NAV3: variants seen among roughly 807,000 people sequenced by gnomAD.
NAV3 encodes neuron navigator 3, also known as pore membrane and/or filament interacting like protein 1.
In NAV3, 87 loss-of-function variants were observed where a neutral mutation model predicts 244.7. The ratio of observed to expected loss-of-function variants is 0.36; its 90% CI spans 0.30 to 0.42. NAV3 has a LOEUF of 0.42. Ranked by LOEUF, NAV3 falls within the 20% of genes least tolerant of loss-of-function variation. The probability of loss-of-function intolerance (pLI) is 1.00; values close to 1 mark genes in which losing one functional copy is unlikely to be tolerated. For synonymous variants in NAV3, 1,126 were observed against 1,042.2 expected, an observed-to-expected ratio of 1.08 and a Z score of -1.55; for missense variants, 2,663 against 2,893.3, an observed-to-expected ratio of 0.92 and a Z score of 1.83.
intron 2 of NAV3, among the ~76,000 whole-genome samples, chr12:77,584,787 ATATATGGCTT>A (rs1460339428): frequency 1.3e-5 from 2 of 152,214 alleles, no homozygotes; most frequent in African/African-American, 4.8e-5. Flanking sequence ...CTCTCAATCT[ATATATGGCTT>A]GTATAAAAAA....
intron 2 of NAV3, among the ~76,000 whole-genome samples, chr12:77,683,812 G>A (rs577192454): frequency 5.7e-4 from 87 of 152,016 alleles, no homozygotes; most frequent in Non-Finnish European, 1.1e-3. Context: ...TCCATTGTAT[G>A]CATATGTTAC....
chr12:77,692,801 A>G (rs1195779453), intron 2 of NAV3, among the ~76,000 whole-genome samples: 1 of 152,152 alleles, frequency 6.6e-6, no homozygotes. Context: ...AAAGCTTAAT[A>G]GTCCATTGAG....
At chr12:77,575,622 C>G (rs1160413964) in intron 2 of NAV3, among the ~76,000 whole-genome samples, 3 of 152,118 alleles carry the variant, frequency 2.0e-5, no homozygotes, top group African/African-American at 7.2e-5. Flanking sequence ...AAAACAAACC[C>G]AGAACAGTGA....
rs1034768987 is a variant in NAV3, at chr12:78,049,267, G to GA, written c.2024-716dup. Reference sequence around the variant, plus strand: ...GGCATTCCAGGTGCTACTGGGGTATGAAAAAAAAAACTCCTGCAGCTAGCT... The same window carrying GA: ...GGCATTCCAGGTGCTACTGGGGTATGAAAAAAAAAAACTCCTGCAGCTAGCT... On this transcript the variant is annotated intron_variant, in intron 9 of 39. Coordinates refer to ENST00000397909, the MANE Select transcript of NAV3 (RefSeq NM_001024383.2). Among the ~76,000 whole-genome samples the GA allele has an allele frequency of 4.2e-3, 620 of 149,100 alleles. 4 individuals carry two copies. The highest frequency in any genetic ancestry group is 0.017 in the Middle Eastern group (5 of 288).
intron 5 of NAV3, among the ~76,000 whole-genome samples, chr12:77,991,972 A>C (rs1403754343): frequency 6.6e-6 from 1 of 152,090 alleles, no homozygotes; most frequent in Non-Finnish European, 1.5e-5. Flanking sequence ...TGGAGGTTGC[A>C]GTGAGCCGAG....
At chr12:77,624,562 G>A (rs557411366) in intron 2 of NAV3, among the ~76,000 whole-genome samples, 95 of 151,986 alleles carry the variant, frequency 6.3e-4, no homozygotes, top group African/African-American at 2.1e-3. Context: ...GAATGATGAG[G>A]TTGGACTTGG....
chr12:77,941,046 T>G (rs747322811), intron 2 of NAV3, 35 bp from the exon 3 acceptor site: 1 of 1,420,526 alleles, frequency 7.0e-7, no homozygotes, highest in South Asian at 1.2e-5. Flanking sequence ...ATGTCGTTCT[T>G]TTTTTCTCTC....
At chr12:77,960,600 T>C (rs940641098) in intron 3 of NAV3, among the ~76,000 whole-genome samples, 2 of 148,600 alleles carry the variant, frequency 1.3e-5, no homozygotes, top group African/African-American at 2.4e-5. Flanking sequence ...ATAACATATA[T>C]GTAATGTATG....
At chr12:77,863,201 G>A (rs565778528) in intron 1 of NAV3, among the ~76,000 whole-genome samples, 223 of 151,948 alleles carry the variant, frequency 1.5e-3, no homozygotes, top group African/African-American at 5.2e-3. Flanking sequence ...AATGCAAAGT[G>A]TAAACAAACA....
intron 2 of NAV3, among the ~76,000 whole-genome samples, chr12:77,820,630 T>G (rs1183273805): frequency 1.3e-5 from 2 of 152,156 alleles, no homozygotes; most frequent in Admixed American, 6.6e-5. Context: ...GTTAATGGTC[T>G]CATTTTATGT....
chr12:78,080,395 T>A (rs1566104122), intron 12 of NAV3, among the ~76,000 whole-genome samples: 1 of 152,260 alleles, frequency 6.6e-6, no homozygotes, highest in Non-Finnish European at 1.5e-5. Flanking sequence ...TAAATTAACT[T>A]TTAAAAGTTT....
chr12:78,175,356 A>G lies in NAV3; in HGVS notation c.5032A>G (p.Ser1678Gly), dbSNP rs1379647612. 1.9e-6 allele frequency: 3 copies of G among 1,611,852 alleles called. No individual in the cohort carries two copies. The highest frequency in any genetic ancestry group is 1.7e-5 in the Admixed American group (1 of 59,898). ...CTCTGAAAGTGTTTCTAGTATCAAC[A>G]GTGCCACAAGCCATTCCAGTATTGG... ...HSSESVSSINSATSHSSIGSG... is the reference protein window; with the variant it reads ...HSSESVSSINGATSHSSIGSG... The change falls in exon 25 of 40, where the codon AGT becomes GGT. Residue 1678 changes from serine to glycine, a missense_variant. Around this residue, in one of 6 missense-constraint regions of NAV3, gnomAD observed 193 missense variants for 200.7 expected, o/e 0.96. Coordinates refer to ENST00000397909, the MANE Select transcript of NAV3 (RefSeq NM_001024383.2).
At chr12:78,097,167 T>C (rs940402176) in intron 12 of NAV3, among the ~76,000 whole-genome samples, 4 of 152,168 alleles carry the variant, frequency 2.6e-5, no homozygotes, top group African/African-American at 7.2e-5. Context: ...GGAGACTGCC[T>C]GGAAAATCCT....
rs562031683 is a variant in NAV3, at chr12:78,007,265, C to G, written c.1727C>G (p.Ala576Gly). ...CCTATAACCATGGAGAAAGCAAGTG[C>G]TTCTAGTTGTCCTGCCCCTTTGGAA... The part of the protein sequence containing the change: ...SKPITMEKAS[A>G]SSCPAPLEGR... The change falls in exon 8 of 40, where the codon GCT becomes GGT. Residue 576 changes from alanine (A) to glycine (G), a missense_variant. Physicochemically the swap from Ala to Gly is moderately conservative, Grantham distance 60. Coordinates refer to ENST00000397909, the MANE Select transcript of NAV3 (RefSeq NM_001024383.2). The G allele has an allele frequency of 6.2e-7, 1 of 1,614,218 alleles. No individual in the cohort carries two copies. The highest frequency in any genetic ancestry group is 1.1e-5 in the South Asian group (1 of 91,084).
chr12:77,930,727 G>A (rs1888702221), intron 1 of NAV3, among the ~76,000 whole-genome samples: 1 of 151,920 alleles, frequency 6.6e-6, no homozygotes, highest in African/African-American at 2.4e-5. Context: ...TCCTTACAAG[G>A]GATGTATGAA....
intron 24 of NAV3, among the ~76,000 whole-genome samples, chr12:78,169,987 T>C (rs574803996): frequency 6.6e-6 from 1 of 151,874 alleles, no homozygotes; most frequent in Non-Finnish European, 1.5e-5. Context: ...GTTGATATCC[T>C]AAGCTCTCTT....
chr12:78,071,005 A>G (rs1455237949), intron 12 of NAV3, among the ~76,000 whole-genome samples: 2 of 149,764 alleles, frequency 1.3e-5, no homozygotes, highest in East Asian at 3.9e-4. Flanking sequence ...TAATGCCGCA[A>G]TAAACATACG....
chr12:77,916,176 G>A (rs1217671692), intron 1 of NAV3, among the ~76,000 whole-genome samples: 2 of 151,992 alleles, frequency 1.3e-5, no homozygotes, highest in East Asian at 3.9e-4. Flanking sequence ...AGAAAGCAAA[G>A]CCCTGAAATT....
At chr12:77,813,434 A>G (rs1425634031) in intron 2 of NAV3, among the ~76,000 whole-genome samples, 1 of 152,206 alleles carries the variant, frequency 6.6e-6, no homozygotes, top group African/African-American at 2.4e-5. Flanking sequence ...TGAGAAGAGT[A>G]GCAAATCTGG....
Sources: allele counts gnomAD v4.1 joint callset (sites outside exome capture counted in the v4.1 genomes callset), GRCh38; gene constraint gnomAD v4.1.1; regional missense constraint gnomAD v4.1.1; transcripts MANE v1.5; gene names NCBI Gene and HGNC (gene_info 2026-07-23, HGNC 2026-07-21).